Variants in PTPRA observed in about 807,000 individuals in gnomAD.
PTPRA encodes protein tyrosine phosphatase receptor type A.
A neutral mutation model predicts 104.8 loss-of-function variants in PTPRA; 25 were observed. The ratio of observed to expected loss-of-function variants is 0.24; its 90% CI spans 0.17 to 0.33. PTPRA has a LOEUF of 0.33. Ranked by LOEUF, PTPRA falls within the 10% of genes least tolerant of loss-of-function variation. The pLI, the probability that PTPRA is intolerant of heterozygous loss-of-function variation, is 1.00. For missense variants in PTPRA, 765 were observed against 1,015.3 expected (o/e 0.75, Z 3.35); for synonymous variants, 323 against 368.9 (o/e 0.88, Z 1.43).
At chr20:2,944,496 A>G (rs994956222) in intron 2 of PTPRA, among the ~76,000 whole-genome samples, 10 of 152,218 alleles carry the variant, frequency 6.6e-5, no homozygotes, top group Admixed American at 5.9e-4. Context: ...AGCTTCTCAC[A>G]TTATGACAGC....
chr20:2,953,148 G>A (rs1320582964), intron 3 of PTPRA, among the ~76,000 whole-genome samples: 2 of 152,040 alleles, frequency 1.3e-5, no homozygotes, highest in South Asian at 2.1e-4. Flanking sequence ...TATAGTAGTG[G>A]TACCATTTAC....
At chr20:2,897,048 C>T (rs965640666) in intron 1 of PTPRA, among the ~76,000 whole-genome samples, 1 of 152,140 alleles carries the variant, frequency 6.6e-6, no homozygotes, top group East Asian at 1.9e-4. Context: ...ACCAAAGACA[C>T]GATATTATGT....
At position 2,965,099 on chromosome 20, in the gene PTPRA, T is replaced by A; in HGVS notation, c.312T>A (p.Asn104Lys). 1 of 1,614,148 alleles carries A rather than the reference T, an allele frequency of 6.2e-7. No homozygotes were observed. Among genetic ancestry groups the A allele is most frequent in the Non-Finnish European group, 8.5e-7 (1 of 1,179,994 alleles). The change falls in exon 5 of 24, where the codon AAT becomes AAA. Residue 104 changes from asparagine to lysine, a missense_variant. Coordinates refer to ENST00000399903, the MANE Select transcript of PTPRA (RefSeq NM_001385305.1). ...TNSIGITISP[N>K]GTWLPDNQFT... ...CTATAGGCATTACAATTTCACCAAATGGAACGTGGCTTCCAGATAACCAGT... is the reference window on the plus strand; with the variant it reads ...CTATAGGCATTACAATTTCACCAAAAGGAACGTGGCTTCCAGATAACCAGT...
intron 1 of PTPRA, among the ~76,000 whole-genome samples, chr20:2,877,703 A>C (rs1025050340): frequency 6.6e-6 from 1 of 152,234 alleles, no homozygotes; most frequent in African/African-American, 2.4e-5. Flanking sequence ...GAATCCATTA[A>C]ATGTAAAACT....
Position 2,947,306 on chromosome 20 carries a change from C to T in PTPRA, c.-49-676C>T, listed in dbSNP as rs375084926. Among the ~76,000 whole-genome samples, 39 of 152,140 alleles carry T rather than the reference C, an allele frequency of 2.6e-4. 1 individual carries two copies. Among genetic ancestry groups the T allele is most frequent in the Middle Eastern group, 3.2e-3 (1 of 316 alleles). ...CCAAGATAAATAGCATATTTCTCAG[C>T]GCCTTGTATTTTCTGTCTTTGGCCA... On this transcript the variant is annotated intron_variant, in intron 2 of 23. Coordinates refer to ENST00000399903, the MANE Select transcript of PTPRA (RefSeq NM_001385305.1).
intron 11 of PTPRA, among the ~76,000 whole-genome samples, chr20:3,010,497 G>A (rs143416283): frequency 0.055 from 8,350 of 152,032 alleles, 725 homozygotes; most frequent in African/African-American, 0.19. Flanking sequence ...GCGTGGTGGC[G>A]GGCACCTGTA....
rs377524335 is a variant in PTPRA, at chr20:3,021,305, C to T, written c.1042-4C>T. On this transcript the variant is annotated splice_region_variant and splice_polypyrimidine_tract_variant and intron_variant, in intron 13 of 23. Transcript: ENST00000399903. Reference sequence around the variant, plus strand: ...TCAGGGAATGTATGTCTTTTTCTTTCCAGTGCAAGTGCGCCCAGTACTGGC... The same window carrying T: ...TCAGGGAATGTATGTCTTTTTCTTTTCAGTGCAAGTGCGCCCAGTACTGGC... The T allele has an allele frequency of 2.0e-5, 33 of 1,613,732 alleles. No individual in the cohort carries two copies. Among genetic ancestry groups the T allele is most frequent in the African/African-American group, 4.0e-5 (3 of 74,914 alleles).
chr20:2,948,927 G>A (rs933342018), intron 3 of PTPRA, among the ~76,000 whole-genome samples: 4 of 152,040 alleles, frequency 2.6e-5, no homozygotes, highest in African/African-American at 9.7e-5. Flanking sequence ...ACTCCAGCCT[G>A]GGTGACAGAG....
At chr20:2,896,301 C>T (rs1309239573) in intron 1 of PTPRA, among the ~76,000 whole-genome samples, 3 of 152,196 alleles carry the variant, frequency 2.0e-5, no homozygotes. Flanking sequence ...ATCGCTTGAA[C>T]CCGGGAGGTG....
rs2148239423 is a variant in PTPRA, at chr20:2,998,619, T to A, written c.739-6437T>A. On this transcript the variant is annotated intron_variant, in intron 9 of 23. Transcript: ENST00000399903. Reference sequence around the variant, plus strand: ...TTGTGTGTCTGGGTGTTGGGTCGTTTTAAACAGAACTGTTCCAAGACCTAC... The same window carrying A: ...TTGTGTGTCTGGGTGTTGGGTCGTTATAAACAGAACTGTTCCAAGACCTAC... Among the ~76,000 whole-genome samples, 2 of 152,298 alleles carry A rather than the reference T, an allele frequency of 1.3e-5. 1 individual carries two copies. Among genetic ancestry groups the A allele is most frequent in the South Asian group, 4.1e-4 (2 of 4,820 alleles).
chr20:2,927,032 C>T (rs773608149), intron 2 of PTPRA, among the ~76,000 whole-genome samples: 32 of 151,814 alleles, frequency 2.1e-4, no homozygotes, highest in Non-Finnish European at 3.5e-4. Context: ...CTCAAGTGAT[C>T]CGCCCGCCTC....
chr20:3,002,978 G>A (rs2063704966), intron 9 of PTPRA, among the ~76,000 whole-genome samples: 1 of 151,990 alleles, frequency 6.6e-6, no homozygotes, highest in Non-Finnish European at 1.5e-5. Context: ...CCACCTCTGG[G>A]TTACCACAGA....
At chr20:2,892,134 A>G (rs2058822150) in intron 1 of PTPRA, among the ~76,000 whole-genome samples, 2 of 151,964 alleles carry the variant, frequency 1.3e-5, no homozygotes, top group Non-Finnish European at 2.9e-5. Context: ...TACTAAAAAT[A>G]CAAAAATTAG....
At chr20:3,021,462 G>C (rs1213402596) in intron 14 of PTPRA, 34 bp downstream of exon 14, 1 of 1,612,090 alleles carries the variant, frequency 6.2e-7, no homozygotes, top group South Asian at 1.1e-5. Context: ...CAGTTCTTAT[G>C]TTGGATCTGC....
rs6051532 is a variant in PTPRA, at chr20:3,019,919, C to T, written c.1042-1390C>T. Among the ~76,000 whole-genome samples, 186 of 151,520 alleles carry T rather than the reference C, an allele frequency of 1.2e-3. 3 individuals carry two copies. The highest frequency in any genetic ancestry group is 4.0e-3 in the African/African-American group (164 of 41,472). Reference sequence around the variant, plus strand: ...AAACCCCGTCTCCACCAAAAAAATACGAAAACCAGTCAGGCGTGGCGGCGC... The same window carrying T: ...AAACCCCGTCTCCACCAAAAAAATATGAAAACCAGTCAGGCGTGGCGGCGC... On this transcript the variant is annotated intron_variant, in intron 13 of 23. Coordinates refer to ENST00000399903, the MANE Select transcript of PTPRA (RefSeq NM_001385305.1).
At chr20:2,879,077 A>T (rs1185460245) in intron 1 of PTPRA, among the ~76,000 whole-genome samples, 1 of 152,244 alleles carries the variant, frequency 6.6e-6, no homozygotes, top group African/African-American at 2.4e-5. Flanking sequence ...TGTCCTCATG[A>T]CACTTTTAGG....
At chr20:2,993,020 G>T (rs556278309) in intron 9 of PTPRA, among the ~76,000 whole-genome samples, 63 of 152,326 alleles carry the variant, frequency 4.1e-4, no homozygotes, top group African/African-American at 1.5e-3. Context: ...GGAGTTTGAG[G>T]CTGCAGTGAG....
At chr20:2,904,271 T>A (rs920403421) in intron 1 of PTPRA, among the ~76,000 whole-genome samples, 7 of 152,122 alleles carry the variant, frequency 4.6e-5, no homozygotes, top group African/African-American at 1.7e-4. Flanking sequence ...ATTTTTAAAA[T>A]TTTTAAATGA....
intron 1 of PTPRA, among the ~76,000 whole-genome samples, chr20:2,912,937 CT>C (rs765052427): frequency 2.0e-5 from 3 of 152,068 alleles, no homozygotes; most frequent in East Asian, 1.9e-4. Context: ...TTAGTGTGCA[CT>C]TTTTTTGTCG....
Sources: gnomAD v4.1 joint callset for allele counts (sites outside exome capture counted in the v4.1 genomes callset) on GRCh38, gnomAD v4.1.1 for gene constraint, MANE v1.5 for transcripts, NCBI Gene and HGNC (gene_info 2026-07-23, HGNC 2026-07-21) for gene names.